The following PDE3A variants were observed in gnomAD, a reference collection of about 807,000 sequenced individuals.
The protein encoded by PDE3A is cGMP-inhibited 3',5'-cyclic phosphodiesterase 3A.
A neutral mutation model predicts 98.3 loss-of-function variants in PDE3A; 43 were observed. The ratio of observed to expected loss-of-function variants is 0.44; its 90% CI spans 0.34 to 0.56. The LOEUF is 0.56. Ranked by LOEUF, PDE3A falls within the 20% of genes least tolerant of loss-of-function variation. The pLI is 0.01. For synonymous variants in PDE3A, 663 were observed against 567.9 expected, an observed-to-expected ratio of 1.17 and a Z score of -2.38; for missense variants, 1,427 against 1,440.7, an observed-to-expected ratio of 0.99 and a Z score of 0.15.
intron 1 of PDE3A, among the ~76,000 whole-genome samples, chr12:20,479,023 A>G (rs1378989267): frequency 6.6e-6 from 1 of 152,160 alleles, no homozygotes; most frequent in Non-Finnish European, 1.5e-5. Context: ...TAAAACCCAC[A>G]TTTTATTATG....
intron 7 of PDE3A, 35 bp downstream of exon 7, chr12:20,633,813 G>A (rs1339957923): frequency 7.9e-7 from 1 of 1,262,524 alleles, no homozygotes; most frequent in African/African-American, 1.5e-5. Context: ...TGCCCAAAAT[G>A]GAAATTGCCT....
At chr12:20,392,499 C>A (rs941078607) in intron 1 of PDE3A, among the ~76,000 whole-genome samples, 3 of 146,230 alleles carry the variant, frequency 2.1e-5, no homozygotes, top group African/African-American at 5.0e-5. Context: ...ATAGTGAGAT[C>A]CTGTCTCATA....
At chr12:20,673,854 TAAAAATA>T (rs1247532746) in intron 15 of PDE3A, among the ~76,000 whole-genome samples, 10 of 77,160 alleles carry the variant, frequency 1.3e-4, no homozygotes, top group African/African-American at 5.3e-4. Context: ...ATAATAAAAA[TAAAAATA>T]AAAAAAATAA....
intron 3 of PDE3A, among the ~76,000 whole-genome samples, chr12:20,615,388 C>T (rs1194511340): frequency 1.3e-5 from 2 of 152,146 alleles, no homozygotes; most frequent in Non-Finnish European, 2.9e-5. Flanking sequence ...ACACTGATGA[C>T]ATTACCCATA....
intron 1 of PDE3A, among the ~76,000 whole-genome samples, chr12:20,418,881 A>G (rs1424308543): frequency 6.6e-6 from 1 of 152,108 alleles, no homozygotes; most frequent in African/African-American, 2.4e-5. Flanking sequence ...AAGTCTGTAG[A>G]AATTACTTCT....
At chr12:20,631,700 ATTT>A (rs58133440) in intron 6 of PDE3A, among the ~76,000 whole-genome samples, 3 of 116,882 alleles carry the variant, frequency 2.6e-5, no homozygotes, top group East Asian at 6.0e-4. Flanking sequence ...ATCATAGTGT[ATTT>A]TTTTTTTTTT....
chr12:20,633,301 T>C (rs991556429), intron 6 of PDE3A, among the ~76,000 whole-genome samples: 6 of 152,144 alleles, frequency 3.9e-5, no homozygotes, highest in South Asian at 2.1e-4. Flanking sequence ...AAGGTATTTA[T>C]TGGGGAAGAT....
chr12:20,469,571 T>A (rs1945401008), intron 1 of PDE3A, among the ~76,000 whole-genome samples: 1 of 152,220 alleles, frequency 6.6e-6, no homozygotes, highest in African/African-American at 2.4e-5. Flanking sequence ...TACTTTGAAT[T>A]TAATACATTA....
chr12:20,408,462 A>G (rs1944274283), intron 1 of PDE3A, among the ~76,000 whole-genome samples: 1 of 152,216 alleles, frequency 6.6e-6, no homozygotes, highest in African/African-American at 2.4e-5. Flanking sequence ...TGTTAATGAT[A>G]GAAAACCCTT....
intron 15 of PDE3A, among the ~76,000 whole-genome samples, chr12:20,669,494 A>T (rs571987383): frequency 0.038 from 5,690 of 150,864 alleles, 174 homozygotes; most frequent in Middle Eastern, 0.18. Context: ...GACTAACAGC[A>T]GATCTCTCGG....
chr12:20,674,721 T>C (rs1394884252), intron 15 of PDE3A, among the ~76,000 whole-genome samples: 7 of 152,152 alleles, frequency 4.6e-5, no homozygotes, highest in Non-Finnish European at 7.4e-5. Flanking sequence ...CTAGGTTTTC[T>C]AGTTTGCTAA....
chr12:20,412,240 T>A (rs1944346862), intron 1 of PDE3A, among the ~76,000 whole-genome samples: 1 of 152,174 alleles, frequency 6.6e-6, no homozygotes, highest in African/African-American at 2.4e-5. Flanking sequence ...AATAAATATT[T>A]GTTGTGTTAG....
At chr12:20,545,661 A>G (rs1287051964) in intron 1 of PDE3A, among the ~76,000 whole-genome samples, 2 of 151,910 alleles carry the variant, frequency 1.3e-5, no homozygotes, top group Non-Finnish European at 2.9e-5. Context: ...TTTGGGGAAC[A>G]GTAAGAGATT....
intron 10 of PDE3A, among the ~76,000 whole-genome samples, chr12:20,640,931 G>T (rs1369653319): frequency 6.6e-6 from 1 of 151,922 alleles, no homozygotes; most frequent in Non-Finnish European, 1.5e-5. Flanking sequence ...GCTTTTAAAA[G>T]TTTTAAAAGC....
chr12:20,504,562 A>C (rs982702732), intron 1 of PDE3A, among the ~76,000 whole-genome samples: 1 of 152,102 alleles, frequency 6.6e-6, no homozygotes, highest in East Asian at 1.9e-4. Context: ...GACATGGACC[A>C]TACGGAGCTA....
intron 15 of PDE3A, among the ~76,000 whole-genome samples, chr12:20,665,237 A>G (rs1211231264): frequency 1.3e-5 from 2 of 152,204 alleles, no homozygotes; most frequent in Admixed American, 1.3e-4. Context: ...GGGTCACTAG[A>G]ACTGAGGACA....
intron 2 of PDE3A, among the ~76,000 whole-genome samples, chr12:20,570,436 A>G (rs1419302844): frequency 7.1e-6 from 1 of 140,382 alleles, no homozygotes; most frequent in Non-Finnish European, 1.6e-5. Context: ...AAAAAAAAAA[A>G]AAGGTGTAAA....
chr12:20,532,281 A>T (rs189150627), intron 1 of PDE3A, among the ~76,000 whole-genome samples: 7 of 152,294 alleles, frequency 4.6e-5, no homozygotes, highest in Admixed American at 3.9e-4. Flanking sequence ...CATTTGTCTT[A>T]TTTAACATGG....
At chr12:20,485,695 A>G (rs1217831159) in intron 1 of PDE3A, among the ~76,000 whole-genome samples, 2 of 152,322 alleles carry the variant, frequency 1.3e-5, no homozygotes, top group African/African-American at 2.4e-5. Context: ...TTTACATGAA[A>G]TCAATGTTCT....
Sources: allele counts gnomAD v4.1 joint callset (sites outside exome capture counted in the v4.1 genomes callset), GRCh38; gene constraint gnomAD v4.1.1; transcripts MANE v1.5; gene names NCBI Gene and HGNC (gene_info 2026-07-23, HGNC 2026-07-21).